Variants in CAMTA1 observed in about 807,000 individuals in gnomAD.
CAMTA1 encodes the protein calmodulin binding transcription activator 1, also known as calmodulin-binding transcription activator 1.
In CAMTA1, 27 loss-of-function variants were observed where a neutral mutation model predicts 170.9. The ratio of observed to expected loss-of-function variants is 0.16; its 90% CI spans 0.12 to 0.22. CAMTA1 has a LOEUF of 0.22. Ranked by LOEUF, CAMTA1 falls within the 10% of genes least tolerant of loss-of-function variation. The pLI, the probability that CAMTA1 is intolerant of heterozygous loss-of-function variation, is 1.00. For missense variants in CAMTA1, 1,619 were observed against 2,217.2 expected, an observed-to-expected ratio of 0.73 and a Z score of 5.42; for synonymous variants, 833 against 891.5, an observed-to-expected ratio of 0.93 and a Z score of 1.17.
chr1:6,882,327 C>G (rs949806533), intron 3 of CAMTA1, among the ~76,000 whole-genome samples: 26 of 152,250 alleles, frequency 1.7e-4, no homozygotes, highest in African/African-American at 6.0e-4. Context: ...CTGTTTGGCC[C>G]TTTACAGAAA....
intron 5 of CAMTA1, among the ~76,000 whole-genome samples, chr1:7,398,181 C>CATATA (rs2089511970): frequency 5.0e-4 from 23 of 45,574 alleles, no homozygotes; most frequent in African/African-American, 1.9e-3. Context: ...CTCTCTCTCT[C>CATATA]TCTCTCTCTC....
chr1:7,364,556 G>C (rs2085817234), intron 5 of CAMTA1, among the ~76,000 whole-genome samples: 1 of 151,936 alleles, frequency 6.6e-6, no homozygotes. Context: ...ACACAGATCA[G>C]ACCTATGAGT....
At chr1:7,110,732 G>T (rs375164230) in intron 4 of CAMTA1, among the ~76,000 whole-genome samples, 28 of 152,180 alleles carry the variant, frequency 1.8e-4, no homozygotes, top group African/African-American at 6.5e-4. Context: ...GCTGCTCCTC[G>T]GGTTCACCCG....
chr1:6,807,719 CA>C (rs35402432), intron 1 of CAMTA1, among the ~76,000 whole-genome samples: 23,080 of 104,738 alleles, frequency 0.22, 1,729 homozygotes, highest in East Asian at 0.35. Context: ...GACTTCATCT[CA>C]AAAAAAAAAA....
At chr1:6,890,330 A>T (rs1390351897) in intron 3 of CAMTA1, among the ~76,000 whole-genome samples, 4 of 152,172 alleles carry the variant, frequency 2.6e-5, no homozygotes. Flanking sequence ...CAATGTTGAG[A>T]TTTCCCATGA....
intron 4 of CAMTA1, among the ~76,000 whole-genome samples, chr1:7,187,431 T>G (rs140347636): frequency 6.6e-6 from 1 of 152,196 alleles, no homozygotes; most frequent in African/African-American, 2.4e-5. Context: ...GATGGTGATT[T>G]TTTTTAACGT....
chr1:7,509,218 C>A (rs375176465), intron 6 of CAMTA1, among the ~76,000 whole-genome samples: 1 of 152,146 alleles, frequency 6.6e-6, no homozygotes, highest in Non-Finnish European at 1.5e-5. Flanking sequence ...GTGTTGGAAC[C>A]GTCTTACAAA....
At position 7,310,666 on chromosome 1, in the gene CAMTA1, T is replaced by TC. The variant is rs1557491081; in HGVS notation, c.438+61041dup. Among the ~76,000 whole-genome samples, 78 of 47,670 alleles carry TC rather than the reference T, an allele frequency of 1.6e-3. 1 individual carries two copies. The highest frequency in any genetic ancestry group is 2.0e-3 in the East Asian group (4 of 2,008). 31.3% of individuals were successfully genotyped at this position (47,670 alleles called of 152,430 possible). A position where few individuals can be genotyped will look rare whatever the true frequency, so the allele number is the denominator to read the frequency against. ...TTTCTTTTTTCTTTCTTTCTTTCTT[T>TC]CTTTCCTTTCTTTCTCTCTCTCTCT... On this transcript the variant is annotated intron_variant, in intron 5 of 22. Transcript: ENST00000303635.
At position 7,224,373 on chromosome 1, in the gene CAMTA1, C is replaced by T. The variant is rs1295808975; in HGVS notation, c.303-25118C>T. 2.0e-5 allele frequency among the ~76,000 whole-genome samples: 3 copies of T among 152,114 alleles called. No individual in the cohort carries two copies. Among genetic ancestry groups the T allele is most frequent in the Non-Finnish European group, 2.9e-5 (2 of 68,028 alleles). On this transcript the variant is annotated intron_variant, in intron 4 of 22. Transcript: ENST00000303635. The surrounding 1 kb of genome is among the most constrained non-coding windows in gnomAD (Gnocchi z 5.2). ...AGGCTCTCGTCCCAGTTGGCAAGGG[C>T]GCCACAGCTGGATGGCTCAGCGTCC...
chr1:7,513,483 C>T (rs2094232195), intron 6 of CAMTA1, among the ~76,000 whole-genome samples: 2 of 152,138 alleles, frequency 1.3e-5, no homozygotes, highest in African/African-American at 2.4e-5. Context: ...CGGTTCCTTC[C>T]GAGGCTGGAA....
chr1:7,532,336 C>T lies in CAMTA1; in HGVS notation c.510+64435C>T, dbSNP rs1348177374. 2.0e-5 allele frequency among the ~76,000 whole-genome samples: 3 copies of T among 152,130 alleles called. No homozygotes were observed. Among genetic ancestry groups the T allele is most frequent in the African/African-American group, 7.2e-5 (3 of 41,432 alleles). On this transcript the variant is annotated intron_variant, in intron 6 of 22. Transcript: ENST00000303635. This position sits in a 1 kb window ranked among gnomAD's most constrained non-coding sequence, Gnocchi z 4.2. ...TTTTTTTTTAGAGACAGATTTCACTCTGTTGCCCAGACTGGAGTGCAGTGG... is the reference window on the plus strand; with the variant it reads ...TTTTTTTTTAGAGACAGATTTCACTTTGTTGCCCAGACTGGAGTGCAGTGG...
chr1:7,528,092 T>C (rs1271052680), intron 6 of CAMTA1, among the ~76,000 whole-genome samples: 1 of 152,206 alleles, frequency 6.6e-6, no homozygotes, highest in Non-Finnish European at 1.5e-5. Context: ...CCTGTGGCTC[T>C]GCCTGTCTCC....
chr1:7,042,199 G>T (rs1341011356), intron 3 of CAMTA1, among the ~76,000 whole-genome samples: 1 of 152,164 alleles, frequency 6.6e-6, no homozygotes, highest in Non-Finnish European at 1.5e-5. Context: ...CATGGCCCCT[G>T]GGATTTTATC....
rs1704964478 is a variant in CAMTA1, at chr1:7,044,161, A to G, written c.235-47143A>G. ...AGGCACGTGGGTGTCACATATGCAC[A>G]CACATGCATGCACAGCGCATGGCTG... On this transcript the variant is annotated intron_variant, in intron 3 of 22. Coordinates refer to ENST00000303635, the MANE Select transcript of CAMTA1 (RefSeq NM_015215.4). This position sits in a 1 kb window ranked among gnomAD's most constrained non-coding sequence, Gnocchi z 5.0. Among the ~76,000 whole-genome samples the G allele has an allele frequency of 6.6e-6, 1 of 152,220 alleles. No homozygotes were observed. The highest frequency in any genetic ancestry group is 2.4e-5 in the African/African-American group (1 of 41,456).
At chr1:7,237,349 A>G (rs937861422) in intron 4 of CAMTA1, among the ~76,000 whole-genome samples, 1 of 152,180 alleles carries the variant, frequency 6.6e-6, no homozygotes, top group Non-Finnish European at 1.5e-5. Flanking sequence ...GACAGGAGAA[A>G]GATCCACCGC....
intron 5 of CAMTA1, among the ~76,000 whole-genome samples, chr1:7,306,134 AT>A (rs1273083075): frequency 6.6e-6 from 1 of 152,048 alleles, no homozygotes; most frequent in Non-Finnish European, 1.5e-5. Flanking sequence ...TTGAAGTCCT[AT>A]TTAGCGATTG....
At chr1:7,481,018 C>T (rs1218384004) in intron 6 of CAMTA1, among the ~76,000 whole-genome samples, 1 of 152,012 alleles carries the variant, frequency 6.6e-6, no homozygotes, top group Admixed American at 6.5e-5. Context: ...CTCAAGCCAA[C>T]CCTCCATTAT....
chr1:7,029,311 T>A (rs977961375), intron 3 of CAMTA1, among the ~76,000 whole-genome samples: 1 of 151,488 alleles, frequency 6.6e-6, no homozygotes, highest in Non-Finnish European at 1.5e-5. Flanking sequence ...ACCATCCTGG[T>A]TAACACAGTG....
intron 3 of CAMTA1, among the ~76,000 whole-genome samples, chr1:7,072,881 G>T (rs778280407): frequency 5.9e-5 from 9 of 152,232 alleles, no homozygotes; most frequent in Non-Finnish European, 1.0e-4. Context: ...TAGATCAGAG[G>T]AATCCTGGGG....
Sources: allele counts gnomAD v4.1 joint callset (sites outside exome capture counted in the v4.1 genomes callset), GRCh38; gene constraint gnomAD v4.1.1; non-coding constraint Gnocchi (gnomAD v3.1); transcripts MANE v1.5; gene names NCBI Gene and HGNC (gene_info 2026-07-23, HGNC 2026-07-21).